NDUFAF2: variants seen among roughly 807,000 people sequenced by gnomAD.
NDUFAF2 encodes NADH:ubiquinone oxidoreductase complex assembly factor 2, also known as NADH dehydrogenase [ubiquinone] 1 alpha subcomplex assembly factor 2.
In NDUFAF2, 13 loss-of-function variants were observed where a neutral mutation model predicts 22.8. The ratio of observed to expected loss-of-function variants is 0.57; its 90% CI spans 0.37 to 0.91. The LOEUF (loss-of-function observed/expected upper bound fraction) is 0.91, where lower values mean the gene tolerates loss of function less well. Ranked by LOEUF, NDUFAF2 falls within the 40% of genes least tolerant of loss-of-function variation. The pLI is 0.01. For missense variants in NDUFAF2, 162 were observed against 195.2 expected, an observed-to-expected ratio of 0.83 and a Z score of 1.01; for synonymous variants, 53 against 64.2, an observed-to-expected ratio of 0.83 and a Z score of 0.84.
chr5:61,125,802 C>T (rs1387473634), intron 3 of NDUFAF2, among the ~76,000 whole-genome samples: 2 of 151,922 alleles, frequency 1.3e-5, no homozygotes, highest in Non-Finnish European at 2.9e-5. Context: ...TTGTTATAGG[C>T]CAAGTCTTTT....
chr5:61,033,020 T>A (rs755698046), intron 1 of NDUFAF2, among the ~76,000 whole-genome samples: 2 of 152,190 alleles, frequency 1.3e-5, no homozygotes, highest in Non-Finnish European at 2.9e-5. Flanking sequence ...TGATATTGAG[T>A]CTTCCTATCC....
At chr5:60,960,259 T>C (rs1750667053) in intron 1 of NDUFAF2, among the ~76,000 whole-genome samples, 1 of 152,164 alleles carries the variant, frequency 6.6e-6, no homozygotes, top group Non-Finnish European at 1.5e-5. Context: ...GTGTCAATAA[T>C]AACAATAATG....
intron 1 of NDUFAF2, among the ~76,000 whole-genome samples, chr5:60,970,513 G>C (rs1430065264): frequency 6.6e-6 from 1 of 152,004 alleles, no homozygotes; most frequent in Non-Finnish European, 1.5e-5. Flanking sequence ...GATTTCTCTT[G>C]AAGATTGTTT....
chr5:61,046,598 C>T (rs1751956995), intron 1 of NDUFAF2, among the ~76,000 whole-genome samples: 1 of 152,034 alleles, frequency 6.6e-6, no homozygotes, highest in African/African-American at 2.4e-5. Flanking sequence ...AAAATCTCTT[C>T]TGAAGGGCTT....
At position 61,147,610 on chromosome 5, in the gene NDUFAF2, G is replaced by C. The variant is rs985155208; in HGVS notation, c.259-5094G>C. Among the ~76,000 whole-genome samples, 7 of 151,672 alleles carry C rather than the reference G, an allele frequency of 4.6e-5. No individual in the cohort carries two copies. In the South Asian group the frequency reaches 1.5e-3, roughly 32 times the overall value. Reference sequence around the variant, plus strand: ...TTTAAGTTTTGTTAGAGTAGATCTAGAGCAGTGCAGTCCAATCCAAATTTT... The same window carrying C: ...TTTAAGTTTTGTTAGAGTAGATCTACAGCAGTGCAGTCCAATCCAAATTTT... On this transcript the variant is annotated intron_variant, in intron 3 of 3. Coordinates refer to ENST00000296597, the MANE Select transcript of NDUFAF2 (RefSeq NM_174889.5).
intron 2 of NDUFAF2, among the ~76,000 whole-genome samples, chr5:61,076,045 T>C (rs925484074): frequency 1.3e-5 from 2 of 151,998 alleles, no homozygotes; most frequent in Non-Finnish European, 2.9e-5. Flanking sequence ...GGAAAGGGCA[T>C]AGGGAGTGTT....
intron 3 of NDUFAF2, among the ~76,000 whole-genome samples, chr5:61,117,997 A>T (rs1310862788): frequency 1.3e-5 from 2 of 152,136 alleles, no homozygotes; most frequent in African/African-American, 4.8e-5. Flanking sequence ...TTCCTATGGG[A>T]TATACCATTA....
intron 1 of NDUFAF2, among the ~76,000 whole-genome samples, chr5:60,988,182 G>T (rs1751108607): frequency 6.6e-6 from 1 of 152,068 alleles, no homozygotes; most frequent in South Asian, 2.1e-4. Context: ...ATTCACAATT[G>T]CCAGAAAAAG....
chr5:61,073,238 T>A, intron 2 of NDUFAF2, 24 bp downstream of exon 2: 1 of 1,496,018 alleles, frequency 6.7e-7, no homozygotes, highest in South Asian at 1.1e-5. Flanking sequence ...TTTAGTAGAA[T>A]CTCATGGGAG....
intron 1 of NDUFAF2, among the ~76,000 whole-genome samples, chr5:60,983,989 G>A (rs549239700): frequency 7.9e-4 from 121 of 152,204 alleles, no homozygotes; most frequent in African/African-American, 2.8e-3. Context: ...ATTACCTTGG[G>A]CAGTATGGCC....
intron 3 of NDUFAF2, among the ~76,000 whole-genome samples, chr5:61,121,003 T>G (rs547903654): frequency 1.3e-5 from 2 of 152,250 alleles, no homozygotes; most frequent in East Asian, 3.9e-4. Flanking sequence ...TGACATTTTT[T>G]TAATGGGCGG....
At chr5:61,000,687 C>A (rs1751284991) in intron 1 of NDUFAF2, among the ~76,000 whole-genome samples, 2 of 152,024 alleles carry the variant, frequency 1.3e-5, no homozygotes. Flanking sequence ...GCCTTTTGCC[C>A]TGTAGATGAG....
At chr5:61,113,981 G>C (rs1259448261) in intron 3 of NDUFAF2, among the ~76,000 whole-genome samples, 1 of 152,072 alleles carries the variant, frequency 6.6e-6, no homozygotes, top group Non-Finnish European at 1.5e-5. Flanking sequence ...TTGGGAGTTT[G>C]ATTATTAAAT....
chr5:61,132,001 T>G (rs918798030), intron 3 of NDUFAF2, among the ~76,000 whole-genome samples: 1 of 152,226 alleles, frequency 6.6e-6, no homozygotes, highest in African/African-American at 2.4e-5. Context: ...TTAAAAGTTC[T>G]GCTTTTCCCC....
intron 1 of NDUFAF2, among the ~76,000 whole-genome samples, chr5:60,947,457 CT>C (rs1427028560): frequency 6.6e-6 from 1 of 151,944 alleles, no homozygotes; most frequent in African/African-American, 2.4e-5. Flanking sequence ...TTGTTCAAAC[CT>C]TTTGCCCATT....
At chr5:60,968,796 T>A (rs1750790685) in intron 1 of NDUFAF2, among the ~76,000 whole-genome samples, 1 of 151,914 alleles carries the variant, frequency 6.6e-6, no homozygotes, top group African/African-American at 2.4e-5. Flanking sequence ...AAATACCAAG[T>A]CTTATTCATT....
At chr5:61,067,817 A>G (rs978437660) in intron 1 of NDUFAF2, among the ~76,000 whole-genome samples, 1 of 152,028 alleles carries the variant, frequency 6.6e-6, no homozygotes, top group African/African-American at 2.4e-5. Flanking sequence ...CCTCTCCAGC[A>G]CCTGTTGTTT....
chr5:61,055,127 G>A (rs888574029), intron 1 of NDUFAF2, among the ~76,000 whole-genome samples: 2 of 152,094 alleles, frequency 1.3e-5, no homozygotes, highest in African/African-American at 4.8e-5. Context: ...CTTTGTTTTA[G>A]CATTCTATTC....
intron 2 of NDUFAF2, among the ~76,000 whole-genome samples, chr5:61,074,352 G>A (rs2111733558): frequency 1.3e-5 from 2 of 152,298 alleles, no homozygotes; most frequent in Middle Eastern, 6.8e-3. Context: ...ACTTTGGGAG[G>A]CCAAGGCGGG....
Sources: allele counts gnomAD v4.1 joint callset (sites outside exome capture counted in the v4.1 genomes callset), GRCh38; gene constraint gnomAD v4.1.1; transcripts MANE v1.5; gene names NCBI Gene and HGNC (gene_info 2026-07-23, HGNC 2026-07-21).